The following REEP1 variants were observed in gnomAD, a reference collection of about 807,000 sequenced individuals.
REEP1 encodes the protein receptor accessory protein 1, also known as receptor expression-enhancing protein 1.
A neutral mutation model predicts 40.3 loss-of-function variants in REEP1; 22 were observed. The ratio of observed to expected loss-of-function variants is 0.55; its 90% confidence interval spans 0.39 to 0.78. The LOEUF (loss-of-function observed/expected upper bound fraction) is 0.78, where lower values mean the gene tolerates loss of function less well. Ranked by LOEUF, REEP1 falls within the 30% of genes least tolerant of loss-of-function variation. The pLI, the probability that REEP1 is intolerant of heterozygous loss-of-function variation, is 0.00. For missense variants in REEP1, 280 were observed against 361.1 expected, an observed-to-expected ratio of 0.78 and a Z score of 1.82; for synonymous variants, 116 against 139.2, an observed-to-expected ratio of 0.83 and a Z score of 1.17.
chr2:86,285,717 G>T (rs1678350669), intron 1 of REEP1, among the ~76,000 whole-genome samples: 1 of 152,192 alleles, frequency 6.6e-6, no homozygotes, highest in African/African-American at 2.4e-5. Flanking sequence ...AATCAGGAGG[G>T]TCCCTCGTGC....
chr2:86,227,577 T>C (rs888218282), intron 6 of REEP1, among the ~76,000 whole-genome samples, 179 bp from the exon 7 acceptor site: 5 of 151,968 alleles, frequency 3.3e-5, no homozygotes, highest in Non-Finnish European at 7.4e-5. Flanking sequence ...TCAGATTCAG[T>C]TTCTGCTCAG....
At chr2:86,256,278 T>G (rs150781579) in intron 3 of REEP1, among the ~76,000 whole-genome samples, 2,393 of 149,622 alleles carry the variant, frequency 0.016, 54 homozygotes, top group African/African-American at 0.053. Flanking sequence ...AACCCAGGAG[T>G]TGGAGGTTGC....
At chr2:86,259,397 A>AT (rs889399049) in intron 3 of REEP1, among the ~76,000 whole-genome samples, 1 of 149,812 alleles carries the variant, frequency 6.7e-6, no homozygotes, top group African/African-American at 2.5e-5. Flanking sequence ...TTTTATTTTT[A>AT]TTTTTTTGAG....
rs1169784521 is a variant in REEP1, at chr2:86,225,040, G to C, written c.631+2323C>G. 2.6e-5 allele frequency among the ~76,000 whole-genome samples: 4 copies of C among 152,298 alleles called. No individual in the cohort carries two copies. In the East Asian group the frequency reaches 7.7e-4, roughly 29 times the overall value. The stretch of plus-strand genomic sequence containing the variant: ...AGACAGAAATCCCTGCAATTGCCTG[G>C]AGCCACTGGCACCACAGGGTCATTT... On this transcript the variant is annotated intron_variant, in intron 7 of 8. Coordinates refer to ENST00000538924, the MANE Select transcript of REEP1 (RefSeq NM_001371279.1).
At chr2:86,293,092 TCA>T (rs1678809280) in intron 1 of REEP1, among the ~76,000 whole-genome samples, 1 of 152,052 alleles carries the variant, frequency 6.6e-6, no homozygotes, top group Admixed American at 6.5e-5. Flanking sequence ...ATTCATTCAT[TCA>T]TTCATTTGTT....
At chr2:86,225,105 C>T (rs1674615112) in intron 7 of REEP1, among the ~76,000 whole-genome samples, 1 of 152,208 alleles carries the variant, frequency 6.6e-6, no homozygotes, top group South Asian at 2.1e-4. Flanking sequence ...CGTCTAGTGC[C>T]CGGTGCTGGA....
chr2:86,278,084 A>T (rs908508902), intron 2 of REEP1, among the ~76,000 whole-genome samples: 1 of 152,216 alleles, frequency 6.6e-6, no homozygotes, highest in Non-Finnish European at 1.5e-5. Context: ...TCATAAGTTA[A>T]GCAAAATCTT....
At chr2:86,310,875 A>C (rs539849110) in intron 1 of REEP1, among the ~76,000 whole-genome samples, 2 of 152,320 alleles carry the variant, frequency 1.3e-5, no homozygotes, top group Middle Eastern at 3.4e-3. Flanking sequence ...TAAAAGAAAC[A>C]AATCTATGAG....
chr2:86,227,339 C>T (rs749891374), intron 7 of REEP1, 24 bp downstream of exon 7: 20 of 1,232,128 alleles, frequency 1.6e-5, no homozygotes, highest in African/African-American at 6.2e-5. Context: ...CAGCACGCTG[C>T]GGAGAGGCTG....
At chr2:86,270,183 G>A (rs892069412) in intron 2 of REEP1, among the ~76,000 whole-genome samples, 3 of 147,418 alleles carry the variant, frequency 2.0e-5, no homozygotes, top group African/African-American at 7.5e-5. Flanking sequence ...TTGTTTGTTT[G>A]TTTGTTTGTT....
chr2:86,319,779 T>A (rs2104511555), intron 1 of REEP1, among the ~76,000 whole-genome samples: 1 of 152,066 alleles, frequency 6.6e-6, no homozygotes, highest in African/African-American at 2.4e-5. Context: ...GGTCATTAGG[T>A]TAGGGTGGCC....
intron 1 of REEP1, among the ~76,000 whole-genome samples, chr2:86,294,889 A>ACTG (rs1371785821): frequency 6.6e-6 from 1 of 152,192 alleles, no homozygotes; most frequent in East Asian, 1.9e-4. Context: ...AGGGCTCAGA[A>ACTG]CTGCTAACAA....
At chr2:86,332,915 G>A (rs1281441461) in intron 1 of REEP1, among the ~76,000 whole-genome samples, 1 of 152,262 alleles carries the variant, frequency 6.6e-6, no homozygotes, top group Non-Finnish European at 1.5e-5. Flanking sequence ...CAAGGTGACT[G>A]TGGCCAAAAA....
At chr2:86,313,299 TC>T (rs199557518) in intron 1 of REEP1, among the ~76,000 whole-genome samples, 3,575 of 146,610 alleles carry the variant, frequency 0.024, 177 homozygotes, top group African/African-American at 0.08. Flanking sequence ...TCTTTTCTTT[TC>T]TTTTTTTTTT....
At chr2:86,322,728 AC>A (rs1680325544) in intron 1 of REEP1, among the ~76,000 whole-genome samples, 1 of 152,136 alleles carries the variant, frequency 6.6e-6, no homozygotes, top group South Asian at 2.1e-4. Flanking sequence ...TGCTAGGATT[AC>A]AGGCATTAGT....
At chr2:86,270,278 C>A (rs1677368528) in intron 2 of REEP1, among the ~76,000 whole-genome samples, 2 of 152,166 alleles carry the variant, frequency 1.3e-5, no homozygotes, top group African/African-American at 2.4e-5. Flanking sequence ...TTCTCCGTAA[C>A]CTCCTCCTCC....
intron 3 of REEP1, among the ~76,000 whole-genome samples, chr2:86,262,479 G>A (rs1489652672): frequency 6.6e-6 from 1 of 152,228 alleles, no homozygotes; most frequent in African/African-American, 2.4e-5. Context: ...ACAGCTTGAG[G>A]CTACAATGGC....
intron 1 of REEP1, among the ~76,000 whole-genome samples, chr2:86,296,959 C>T (rs1481289694): frequency 1.3e-5 from 2 of 152,188 alleles, no homozygotes; most frequent in East Asian, 3.8e-4. Flanking sequence ...ATCAAAACAG[C>T]GAGGGACCGT....
In REEP1 at chr2:86,337,357, T is replaced by G. The variant is rs1681097082; in HGVS notation, c.32+122A>C. 3.4e-6 allele frequency: 2 copies of G among 591,296 alleles called. No individual in the cohort carries two copies. Among genetic ancestry groups the G allele is most frequent in the Non-Finnish European group, 4.8e-6 (2 of 420,492 alleles). The allele number at this position is 591,296 out of a possible 1,614,324, so 36.6% of individuals were successfully genotyped here. ...TCGGCGGCTACTGTACCTGCTAAATTTAGCTGCGCCGGGTATTAATAGCCC... is the reference window on the plus strand; with the variant it reads ...TCGGCGGCTACTGTACCTGCTAAATGTAGCTGCGCCGGGTATTAATAGCCC... On this transcript the variant is annotated intron_variant, in intron 1 of 8. Coordinates refer to ENST00000538924, the MANE Select transcript of REEP1 (RefSeq NM_001371279.1). The surrounding 1 kb of genome is among the most constrained non-coding windows in gnomAD (Gnocchi z 5.8).
Sources: gnomAD v4.1 joint callset for allele counts (sites outside exome capture counted in the v4.1 genomes callset) on GRCh38, gnomAD v4.1.1 for gene constraint, Gnocchi (gnomAD v3.1) non-coding constraint, MANE v1.5 for transcripts, NCBI Gene and HGNC (gene_info 2026-07-23, HGNC 2026-07-21) for gene names.